CNTN1: variants seen among roughly 807,000 people sequenced by gnomAD.
CNTN1 encodes contactin 1.
A neutral mutation model predicts 126.4 loss-of-function variants in CNTN1; 38 were observed. That is an observed-to-expected ratio of 0.30 (90% CI 0.23 to 0.39). CNTN1 has a LOEUF of 0.39. CNTN1 is among the 10% of genes least tolerant of loss of function. The probability of loss-of-function intolerance (pLI) is 1.00; values close to 1 mark genes in which losing one functional copy is unlikely to be tolerated. For synonymous variants in CNTN1, 413 were observed against 422.6 expected (o/e 0.98, Z 0.28); for missense variants, 1,009 against 1,248.4 (o/e 0.81, Z 2.89).
At chr12:40,693,094 G>T (rs1190614044) in intron 1 of CNTN1, among the ~76,000 whole-genome samples, 1 of 152,206 alleles carries the variant, frequency 6.6e-6, no homozygotes, top group Non-Finnish European at 1.5e-5. Context: ...GGGAGGAAGC[G>T]ACTTGTTTGT....
At chr12:40,729,685 A>C (rs1942445530) in intron 1 of CNTN1, 1 of 208,386 alleles carries the variant, frequency 4.8e-6, no homozygotes, top group South Asian at 9.0e-5. Flanking sequence ...ATTGTGCCTA[A>C]AATAAAGCAG....
chr12:40,964,769 G>A lies in CNTN1; in HGVS notation c.1804+5535G>A, dbSNP rs148051824. ...TTGGATAAGTTAAAGTAACACGGTC[G>A]AACAAATAAATAAGCCAATAAGCCT... On this transcript the variant is annotated intron_variant, in intron 15 of 23. Transcript: ENST00000551295. Among the ~76,000 whole-genome samples, 336 of 152,042 alleles carry A rather than the reference G, an allele frequency of 2.2e-3. 1 individual carries two copies. The highest frequency in any genetic ancestry group is 7.7e-3 in the African/African-American group (318 of 41,464).
At chr12:40,884,256 C>CTAT (rs1483610296) in intron 1 of CNTN1, among the ~76,000 whole-genome samples, 1 of 151,152 alleles carries the variant, frequency 6.6e-6, no homozygotes, top group East Asian at 1.9e-4. Flanking sequence ...TTTCTGCCTT[C>CTAT]TATTTGATTA....
intron 1 of CNTN1, among the ~76,000 whole-genome samples, chr12:40,695,704 C>T (rs898008249): frequency 1.3e-5 from 2 of 152,042 alleles, no homozygotes; most frequent in African/African-American, 4.8e-5. Flanking sequence ...TCCATATTGT[C>T]CATCTTCTTG....
At chr12:40,721,849 A>G (rs982629994) in intron 1 of CNTN1, among the ~76,000 whole-genome samples, 1 of 150,928 alleles carries the variant, frequency 6.6e-6, no homozygotes, top group Non-Finnish European at 1.5e-5. Context: ...ACGATTTCCA[A>G]TTTCATCCAT....
intron 1 of CNTN1, among the ~76,000 whole-genome samples, chr12:40,754,259 T>C (rs143905196): frequency 2.0e-5 from 3 of 152,252 alleles, no homozygotes; most frequent in African/African-American, 7.2e-5. Flanking sequence ...TGGCTATCCC[T>C]ATAGTCATCC....
intron 1 of CNTN1, among the ~76,000 whole-genome samples, chr12:40,720,821 C>T (rs376408463): frequency 4.0e-5 from 6 of 151,730 alleles, no homozygotes; most frequent in Admixed American, 2.6e-4. Context: ...CCTAGCTACT[C>T]GGGAGGCTGA....
intron 1 of CNTN1, among the ~76,000 whole-genome samples, chr12:40,792,727 G>C (rs1940266622): frequency 6.6e-6 from 1 of 151,812 alleles, no homozygotes; most frequent in Admixed American, 6.6e-5. Context: ...GGTCTTTTTA[G>C]TTTTAATTGT....
intron 16 of CNTN1, among the ~76,000 whole-genome samples, chr12:40,986,943 C>G (rs1300383805): frequency 1.3e-5 from 2 of 152,136 alleles, no homozygotes; most frequent in Non-Finnish European, 2.9e-5. Context: ...TTTCTTCTTG[C>G]TAACATCTGT....
At chr12:41,025,080 T>G in intron 20 of CNTN1, 70 bp from the exon 21 acceptor site, 1 of 1,474,556 alleles carries the variant, frequency 6.8e-7, no homozygotes, top group South Asian at 1.1e-5. Context: ...ATAGAACCAG[T>G]TGAAGAGAAC....
intron 1 of CNTN1, among the ~76,000 whole-genome samples, chr12:40,857,654 A>T (rs542949775): frequency 6.6e-6 from 1 of 152,310 alleles, no homozygotes; most frequent in South Asian, 2.1e-4. Context: ...GCAAAATAGT[A>T]TTAAATTGAT....
intron 1 of CNTN1, among the ~76,000 whole-genome samples, chr12:40,751,390 A>G (rs1030584564): frequency 6.6e-6 from 1 of 152,072 alleles, no homozygotes; most frequent in Non-Finnish European, 1.5e-5. Flanking sequence ...CAAAATGGAC[A>G]TTGTGGAAAA....
At chr12:40,783,654 A>G (rs1450970751) in intron 1 of CNTN1, among the ~76,000 whole-genome samples, 1 of 152,082 alleles carries the variant, frequency 6.6e-6, no homozygotes, top group Non-Finnish European at 1.5e-5. Context: ...GTAAAACATG[A>G]TTTAAAACAA....
intron 1 of CNTN1, among the ~76,000 whole-genome samples, chr12:40,762,636 G>A (rs1456822660): frequency 6.6e-6 from 1 of 152,068 alleles, no homozygotes; most frequent in African/African-American, 2.4e-5. Context: ...AAGAAGGAAA[G>A]GACTTGTGTC....
rs1329833712 is a variant in CNTN1, at chr12:40,774,901, G to A, written c.-77+82309G>A. On this transcript the variant is annotated intron_variant, in intron 1 of 23. Transcript: ENST00000551295. The stretch of plus-strand genomic sequence containing the variant: ...AATAATAGTTGTACATATTTATAAG[G>A]TACATGTGATACTTTGATATAAGTA... 2.0e-5 allele frequency among the ~76,000 whole-genome samples: 3 copies of A among 151,096 alleles called. No homozygotes were observed. In the East Asian group the frequency reaches 5.8e-4, roughly 29 times the overall value.
chr12:40,905,838 A>T (rs534281493), intron 1 of CNTN1, among the ~76,000 whole-genome samples: 1 of 152,348 alleles, frequency 6.6e-6, no homozygotes, highest in South Asian at 2.1e-4. Flanking sequence ...CATTTTTGTG[A>T]CAAAGTTTAG....
chr12:40,955,257 G>C (rs777025004), intron 14 of CNTN1, among the ~76,000 whole-genome samples: 1 of 151,946 alleles, frequency 6.6e-6, no homozygotes, highest in African/African-American at 2.4e-5. Context: ...ATATTATAGA[G>C]ATTACCTTCT....
At chr12:40,955,609 T>C in intron 14 of CNTN1, among the ~76,000 whole-genome samples, 1 of 152,288 alleles carries the variant, frequency 6.6e-6, no homozygotes, top group South Asian at 2.1e-4. Context: ...TAGATTATTT[T>C]AATGTATCTA....
intron 1 of CNTN1, among the ~76,000 whole-genome samples, chr12:40,825,690 C>G (rs1941593160): frequency 1.3e-5 from 2 of 152,072 alleles, no homozygotes. Context: ...TACTTTTCCT[C>G]CATCATTTCC....
Sources: gnomAD v4.1 joint callset for allele counts (sites outside exome capture counted in the v4.1 genomes callset) on GRCh38, gnomAD v4.1.1 for gene constraint, MANE v1.5 for transcripts, NCBI Gene and HGNC (gene_info 2026-07-23, HGNC 2026-07-21) for gene names.